DYNC2I2: variants seen among roughly 807,000 people sequenced by gnomAD.
The protein encoded by DYNC2I2 is cytoplasmic dynein 2 intermediate chain 2.
A neutral mutation model predicts 52.0 loss-of-function variants in DYNC2I2; 39 were observed. The observed-to-expected ratio is 0.75, with a 90% CI of 0.58 to 0.98. The LOEUF is 0.98. Ranked by LOEUF, DYNC2I2 falls within the 50% of genes least tolerant of loss-of-function variation. The pLI is 0.00. For synonymous variants in DYNC2I2, 359 were observed against 321.1 expected (o/e 1.12, Z -1.26); for missense variants, 743 against 728.4 (o/e 1.02, Z -0.23).
At chr9:128,647,439 G>C (rs1430583537) in intron 1 of DYNC2I2, among the ~76,000 whole-genome samples, 1 of 152,076 alleles carries the variant, frequency 6.6e-6, no homozygotes, top group Admixed American at 6.6e-5. Flanking sequence ...CCCACACCTA[G>C]AAAGTGTATT....
intron 1 of DYNC2I2, among the ~76,000 whole-genome samples, chr9:128,653,287 T>C (rs1321848175): frequency 6.7e-6 from 1 of 150,136 alleles, no homozygotes; most frequent in African/African-American, 2.5e-5. Context: ...GCTTGTAATA[T>C]CTATACCTTG....
the DYNC2I2 span, among the ~76,000 whole-genome samples, chr9:128,670,886 G>A: frequency 6.6e-6 from 1 of 151,794 alleles, no homozygotes; most frequent in African/African-American, 2.4e-5. Flanking sequence ...TGACCAACAT[G>A]GTGAAACCCC....
chr9:128,678,072 CT>C, the DYNC2I2 span, among the ~76,000 whole-genome samples: 662 of 141,404 alleles, frequency 4.7e-3, 2 homozygotes, highest in African/African-American at 8.2e-3. Context: ...CTTTTCTTTT[CT>C]TTTTTTTTTT....
At chr9:128,637,127 G>A in intron 2 of DYNC2I2, 100 bp from the exon 3 acceptor site, 2 of 752,004 alleles carry the variant, frequency 2.7e-6, no homozygotes, top group Admixed American at 4.6e-5. Flanking sequence ...TAGCCCTAGA[G>A]GCCCTCAAGT....
the DYNC2I2 span, among the ~76,000 whole-genome samples, chr9:128,664,322 C>A: frequency 6.6e-6 from 1 of 151,858 alleles, no homozygotes; most frequent in African/African-American, 2.4e-5. Flanking sequence ...GTTCAAAAGC[C>A]AACTCATTAG....
At chr9:128,643,463 G>C (rs560298247) in intron 1 of DYNC2I2, among the ~76,000 whole-genome samples, 75 of 151,288 alleles carry the variant, frequency 5.0e-4, no homozygotes, top group African/African-American at 1.8e-3. Context: ...GGGGGCGGAG[G>C]TTGCAGTGAG....
the DYNC2I2 span, among the ~76,000 whole-genome samples, chr9:128,672,956 G>A: frequency 2.6e-5 from 4 of 152,062 alleles, no homozygotes; most frequent in African/African-American, 7.2e-5. Flanking sequence ...CCCGGGAGGC[G>A]GAGCTTGCAG....
At chr9:128,657,342 A>C (rs893935586), upstream of DYNC2I2, among the ~76,000 whole-genome samples, 1 of 152,162 alleles carries the variant, frequency 6.6e-6, no homozygotes, top group African/African-American at 2.4e-5. Flanking sequence ...TAATGTGCCT[A>C]CTGTGTGTCA....
chr9:128,661,679 CT>C (rs1024221238), upstream of DYNC2I2, among the ~76,000 whole-genome samples: 3 of 152,004 alleles, frequency 2.0e-5, no homozygotes, highest in Non-Finnish European at 4.4e-5. Context: ...TTCCCAGCTA[CT>C]TTGGAGGCTC....
At position 128,642,587 on chromosome 9, in the gene DYNC2I2, G is replaced by A. The variant is rs901611253; in HGVS notation, c.187-1648C>T. On this transcript the variant is annotated intron_variant, in intron 1 of 8. Coordinates refer to ENST00000372715, the MANE Select transcript of DYNC2I2 (RefSeq NM_052844.4). ...AGATCGAGACCATCCTGGCTAATACGGTGAAACCCCGTCTCTACTAAAAAT... is the reference window on the plus strand; with the variant it reads ...AGATCGAGACCATCCTGGCTAATACAGTGAAACCCCGTCTCTACTAAAAAT... Among the ~76,000 whole-genome samples the A allele has an allele frequency of 1.2e-4, 18 of 151,790 alleles. No homozygotes were observed. In the East Asian group the frequency reaches 1.6e-3, roughly 13 times the overall value.
At chr9:128,677,075 C>G in the DYNC2I2 span, among the ~76,000 whole-genome samples, 1 of 151,142 alleles carries the variant, frequency 6.6e-6, no homozygotes, top group Non-Finnish European at 1.5e-5. Context: ...GTCCTGATCT[C>G]CTGACCTCGT....
the DYNC2I2 span, among the ~76,000 whole-genome samples, chr9:128,674,024 T>C: frequency 6.6e-6 from 1 of 150,748 alleles, no homozygotes; most frequent in Non-Finnish European, 1.5e-5. Context: ...GTCAGGCTGG[T>C]CTCTAACTCC....
At chr9:128,667,001 C>A in the DYNC2I2 span, among the ~76,000 whole-genome samples, 1 of 151,844 alleles carries the variant, frequency 6.6e-6, no homozygotes, top group African/African-American at 2.4e-5. Context: ...GAATTCAAGA[C>A]CAGCCTGGCC....
At chr9:128,636,003 G>A (rs1190559325) in intron 4 of DYNC2I2, 1 of 682,206 alleles carries the variant, frequency 1.5e-6, no homozygotes, top group Non-Finnish European at 2.6e-6. Context: ...AGCGTTGCCT[G>A]CCCCCTACCA....
chr9:128,659,352 G>A (rs146195138), upstream of DYNC2I2, among the ~76,000 whole-genome samples: 3,487 of 151,722 alleles, frequency 0.023, 128 homozygotes, highest in African/African-American at 0.08. Context: ...AAAATTAGCC[G>A]GGCGTGGTGG....
chr9:128,659,899 A>G (rs1860898219), upstream of DYNC2I2, among the ~76,000 whole-genome samples: 1 of 150,686 alleles, frequency 6.6e-6, no homozygotes, highest in Non-Finnish European at 1.5e-5. Flanking sequence ...CAAGAGCAAG[A>G]CTCTGTCTCA....
intron 1 of DYNC2I2, among the ~76,000 whole-genome samples, chr9:128,648,029 C>A (rs1388613932): frequency 6.6e-6 from 1 of 152,102 alleles, no homozygotes; most frequent in African/African-American, 2.4e-5. Flanking sequence ...GGAAAGTCCA[C>A]CTGCCCCACA....
rs1589426299 is a variant in DYNC2I2, at chr9:128,633,883, T to C, written c.1472A>G (p.Asn491Ser). ...AGCCAAGAGCTGAGTCTGCTGGCTG[T>C]TGAACTCCAGACAGTAGACAGGGCT... Reference protein sequence around the residue: ...DESPVYCLEFNSQQTQLLAAG... With the variant: ...DESPVYCLEFSSQQTQLLAAG... The change falls in exon 9 of 9, where the codon AAC becomes AGC. Residue 491 changes from asparagine to serine, a missense_variant. Coordinates refer to ENST00000372715, the MANE Select transcript of DYNC2I2 (RefSeq NM_052844.4). 6.2e-7 allele frequency: 1 copy of C among 1,613,466 alleles called. No individual in the cohort carries two copies. The highest frequency in any genetic ancestry group is 1.6e-4 in the Middle Eastern group (1 of 6,062).
At chr9:128,675,578 T>C in the DYNC2I2 span, among the ~76,000 whole-genome samples, 1 of 152,182 alleles carries the variant, frequency 6.6e-6, no homozygotes, top group Admixed American at 6.6e-5. Flanking sequence ...AGGGTAATGC[T>C]TAGTCAGCGC....
Sources: gnomAD v4.1 joint callset for allele counts (sites outside exome capture counted in the v4.1 genomes callset) on GRCh38, gnomAD v4.1.1 for gene constraint, MANE v1.5 for transcripts, NCBI Gene and HGNC (gene_info 2026-07-23, HGNC 2026-07-21) for gene names.